NLRC3: variants seen among roughly 807,000 people sequenced by gnomAD.
The protein encoded by NLRC3 is NLR family CARD domain containing 3, also known as NLR family CARD domain-containing protein 3.
A neutral mutation model predicts 91.6 loss-of-function variants in NLRC3; 87 were observed. The ratio of observed to expected loss-of-function variants is 0.95; its 90% CI spans 0.80 to 1.14. NLRC3 has a LOEUF of 1.14. Among genes scored for constraint, NLRC3 ranks in the 50% most tolerant of loss-of-function variants. The pLI is 0.00. For missense variants in NLRC3, 1,577 were observed against 1,418.6 expected (o/e 1.11, Z -1.79); for synonymous variants, 694 against 625.3 (o/e 1.11, Z -1.64).
intron 6 of NLRC3, among the ~76,000 whole-genome samples, chr16:3,559,340 G>T (rs145390693): frequency 1.3e-5 from 2 of 152,200 alleles, no homozygotes; most frequent in East Asian, 3.9e-4. Flanking sequence ...AGAGATTTTT[G>T]GCTTCATTCA....
chr16:3,564,893 C>G lies in NLRC3; in HGVS notation c.144G>C (p.Arg48Ser), dbSNP rs771548025. 39 of 1,609,826 alleles carry G rather than the reference C, an allele frequency of 2.4e-5. No individual in the cohort carries two copies. Among genetic ancestry groups the G allele is most frequent in the Non-Finnish European group, 3.1e-5 (36 of 1,179,516 alleles). The change falls in exon 4 of 20, where the codon AGG becomes AGC. Residue 48 changes from arginine to serine, a missense_variant. By Grantham distance (110) the Arg-to-Ser change is moderately radical. Transcript: ENST00000359128. The surrounding 1 kb of genome is among the most constrained non-coding windows in gnomAD (Gnocchi z 5.9). The stretch of plus-strand genomic sequence containing the variant: ...AGGGCCCCAGCGGGGCATCCGGTGT[C>G]CTATCCAGGGCCTGCGGGGCCTGGG... ...QGSQAPQALD[R>S]TPDAPLGPCS...
intron 1 of NLRC3, among the ~76,000 whole-genome samples, chr16:3,576,378 C>T (rs2151111258): frequency 6.6e-6 from 1 of 152,348 alleles, no homozygotes; most frequent in East Asian, 1.9e-4. Context: ...CTGCACCCTC[C>T]CTGCCCCTCA....
intron 5 of NLRC3, among the ~76,000 whole-genome samples, chr16:3,562,675 G>C (rs984346375): frequency 6.6e-5 from 10 of 151,128 alleles, no homozygotes; most frequent in African/African-American, 2.5e-4. Context: ...TGTGGAGACA[G>C]ACACAGGGAG....
At chr16:3,558,605 CACAT>C (rs986620831) in intron 6 of NLRC3, among the ~76,000 whole-genome samples, 1 of 151,850 alleles carries the variant, frequency 6.6e-6, no homozygotes, top group African/African-American at 2.4e-5. Context: ...CACACACACA[CACAT>C]CTTGATTTGC....
In NLRC3 at chr16:3,539,389, G is replaced by C. The variant is rs976820371; in HGVS notation, c.*2436C>G. Reference sequence around the variant, plus strand: ...GCTCTGATGGGGTCTGTGTGGGCTAGCTGGCTCTGGTGTGTGCCTGACGAC... The same window carrying C: ...GCTCTGATGGGGTCTGTGTGGGCTACCTGGCTCTGGTGTGTGCCTGACGAC... On this transcript the variant is annotated 3_prime_UTR_variant, in exon 20 of 20. Transcript: ENST00000359128. 6.6e-6 allele frequency: 1 copy of C among 152,346 alleles called. No individual in the cohort carries two copies. The highest frequency in any genetic ancestry group is 2.4e-5 in the African/African-American group (1 of 41,460). 9.4% of individuals were successfully genotyped at this position (152,346 alleles called of 1,614,324 possible).
chr16:3,561,344 G>A (rs545115769), intron 6 of NLRC3, among the ~76,000 whole-genome samples: 1 of 152,204 alleles, frequency 6.6e-6, no homozygotes. Context: ...AAGACTGTCT[G>A]GGGGGGATAA....
At chr16:3,550,556 A>C (rs1392869849) in intron 10 of NLRC3, 59 bp from the exon 11 acceptor site, 3 of 1,255,670 alleles carry the variant, frequency 2.4e-6, no homozygotes, top group Non-Finnish European at 3.5e-6. Context: ...AGGGCTGGGC[A>C]GAGGGATCAG....
Position 3,549,196 on chromosome 16 carries a change from C to G in NLRC3, c.2549G>C (p.Gly850Ala), listed in dbSNP as rs949712026. ...SLRENSISPE[G>A]AQAIAHALCA... ...GAGGGCATGAGCGATGGCCTGGGCTCCCTCGGGACTGATGGAGTTTTCTCG... is the reference window on the plus strand; with the variant it reads ...GAGGGCATGAGCGATGGCCTGGGCTGCCTCGGGACTGATGGAGTTTTCTCG... The change falls in exon 13 of 20, where the codon GGA becomes GCA. Residue 850 changes from glycine to alanine, a missense_variant. Coordinates refer to ENST00000359128, the MANE Select transcript of NLRC3 (RefSeq NM_178844.4). 8.2e-6 allele frequency: 13 copies of G among 1,588,362 alleles called. No homozygotes were observed. The highest frequency in any genetic ancestry group is 1.1e-5 in the Non-Finnish European group (13 of 1,167,164).
rs1227206297 is a variant in NLRC3 at position 3,561,711 on chromosome 16, T to C, written c.2006A>G (p.Gln669Arg). The change falls in exon 6 of 20, where the codon CAG becomes CGG. Residue 669 changes from glutamine to arginine, a missense_variant. Physicochemically the swap from Gln to Arg is conservative, Grantham distance 43. Transcript: ENST00000359128. Reference sequence around the variant, plus strand: ...CCTGGGTCTGTGTTACCTGATCTTCTGAATGCGACAGTCCTTCCCACTCAG... The same window carrying C: ...CCTGGGTCTGTGTTACCTGATCTTCCGAATGCGACAGTCCTTCCCACTCAG... ...SVLSGKDCRI[Q>R]KISLAENQIS... The C allele has an allele frequency of 6.2e-7, 1 of 1,612,276 alleles. No individual in the cohort carries two copies. The highest frequency in any genetic ancestry group is 1.1e-5 in the South Asian group (1 of 91,048).
In NLRC3 at chr16:3,553,770, G is replaced by C. The variant is rs189632233; in HGVS notation, c.2267+472C>G. Among the ~76,000 whole-genome samples the C allele has an allele frequency of 2.0e-3, 305 of 149,932 alleles. 4 individuals are homozygous for C. Among genetic ancestry groups the C allele is most frequent in the African/African-American group, 6.8e-3 (274 of 40,542 alleles). On this transcript the variant is annotated intron_variant, in intron 9 of 19. Coordinates refer to ENST00000359128, the MANE Select transcript of NLRC3 (RefSeq NM_178844.4). ...TTTAATTTTATTTTTTTTTGACAGA[G>C]TCTCGCTGTCGCCCAGGCTGGAGTG...
intron 19 of NLRC3, 43 bp from the exon 20 acceptor site, chr16:3,541,958 C>T (rs1329858712): frequency 8.4e-7 from 1 of 1,194,116 alleles, no homozygotes; most frequent in South Asian, 1.3e-5. Context: ...CCTGCAGGTT[C>T]TCTTTAGTAG....
At chr16:3,554,948 G>A (rs1352814039) in intron 8 of NLRC3, among the ~76,000 whole-genome samples, 1 of 152,200 alleles carries the variant, frequency 6.6e-6, no homozygotes, top group Non-Finnish European at 1.5e-5. Flanking sequence ...AGAGGGAAGA[G>A]GCTGGGTACA....
chr16:3,565,151 G>A (rs1159170208), intron 3 of NLRC3, 91 bp from the exon 4 acceptor site: 1 of 967,200 alleles, frequency 1.0e-6, no homozygotes, highest in Non-Finnish European at 1.6e-6. Context: ...CGGGGTCAGG[G>A]ATCCCCTCTT....
chr16:3,542,100 TG>T (rs1314335680), intron 19 of NLRC3, 90 bp downstream of exon 19: 17 of 968,330 alleles, frequency 1.8e-5, no homozygotes, highest in Non-Finnish European at 2.8e-5. Context: ...CTGAAGCGTC[TG>T]GGGGTCAGCT....
At chr16:3,572,851 A>G (rs143380401) in intron 1 of NLRC3, among the ~76,000 whole-genome samples, 2,561 of 151,824 alleles carry the variant, frequency 0.017, 75 homozygotes, top group African/African-American at 0.052. Flanking sequence ...CGTCTCTACT[A>G]AAAATACAAA....
chr16:3,558,987 G>C (rs2039483193), intron 6 of NLRC3, among the ~76,000 whole-genome samples: 1 of 152,132 alleles, frequency 6.6e-6, no homozygotes, highest in Non-Finnish European at 1.5e-5. Context: ...GCCGAGGCTG[G>C]TCTCAAACTC....
chr16:3,573,479 C>T (rs1402160686), intron 1 of NLRC3, among the ~76,000 whole-genome samples: 1 of 152,126 alleles, frequency 6.6e-6, no homozygotes. Flanking sequence ...GTATGTCAGC[C>T]CAAATGAAGC....
intron 6 of NLRC3, 67 bp from the exon 7 acceptor site, chr16:3,557,743 C>G: frequency 1.0e-6 from 1 of 993,764 alleles, no homozygotes; most frequent in South Asian, 1.4e-5. Context: ...TTCCTCAACG[C>G]TGTGCCCGTG....
At chr16:3,549,070 G>A (rs1297216496) in intron 13 of NLRC3, 72 bp downstream of exon 13, 62 of 1,221,310 alleles carry the variant, frequency 5.1e-5, no homozygotes, top group South Asian at 4.7e-4. Flanking sequence ...GAGGGTGCCC[G>A]TCAGCCCAGG....
Sources: gnomAD v4.1 joint callset for allele counts (sites outside exome capture counted in the v4.1 genomes callset) on GRCh38, gnomAD v4.1.1 for gene constraint, Gnocchi (gnomAD v3.1) non-coding constraint, MANE v1.5 for transcripts, NCBI Gene and HGNC (gene_info 2026-07-23, HGNC 2026-07-21) for gene names.